PPP3CA: variants seen among roughly 807,000 people sequenced by gnomAD.
The protein encoded by PPP3CA is CAM-PRP catalytic subunit.
In PPP3CA, 14 loss-of-function variants were observed where a neutral mutation model predicts 66.5. That is an observed-to-expected ratio of 0.21 (90% CI 0.14 to 0.33). The LOEUF (loss-of-function observed/expected upper bound fraction) is 0.33, where lower values mean the gene tolerates loss of function less well. Ranked by LOEUF, PPP3CA falls within the 10% of genes least tolerant of loss-of-function variation. PPP3CA has a pLI of 1.00. For synonymous variants in PPP3CA, 232 were observed against 226.2 expected (o/e 1.03, Z -0.23); for missense variants, 317 against 639.5 (o/e 0.50, Z 5.44).
chr4:101,328,624 T>A (rs1432192823), intron 1 of PPP3CA, among the ~76,000 whole-genome samples: 1 of 152,212 alleles, frequency 6.6e-6, no homozygotes, highest in Non-Finnish European at 1.5e-5. Context: ...TTGCAGGTAT[T>A]ACATTTTTTA....
At chr4:101,340,167 A>G (rs566847159) in intron 1 of PPP3CA, among the ~76,000 whole-genome samples, 9 of 152,240 alleles carry the variant, frequency 5.9e-5, no homozygotes, top group African/African-American at 1.7e-4. Context: ...CCTGATATCT[A>G]TTTGTTTCCC....
chr4:101,265,821 T>C (rs1320805718), intron 1 of PPP3CA, among the ~76,000 whole-genome samples: 2 of 152,190 alleles, frequency 1.3e-5, no homozygotes, highest in Non-Finnish European at 2.9e-5. Flanking sequence ...CCACTGGTCA[T>C]TCACTTACAA....
intron 1 of PPP3CA, among the ~76,000 whole-genome samples, chr4:101,252,803 ACTT>A (rs1488851224): frequency 2.0e-5 from 3 of 152,132 alleles, no homozygotes; most frequent in Middle Eastern, 3.2e-3. Flanking sequence ...CCTTTGAAGT[ACTT>A]CTTAACTGTC....
At chr4:101,205,877 A>G (rs1725115325) in intron 1 of PPP3CA, among the ~76,000 whole-genome samples, 1 of 152,222 alleles carries the variant, frequency 6.6e-6, no homozygotes, top group Admixed American at 6.5e-5. Context: ...AATCCAGCAT[A>G]CAGCATCTTG....
chr4:101,174,199 T>A (rs905180866), intron 2 of PPP3CA, among the ~76,000 whole-genome samples: 2 of 152,152 alleles, frequency 1.3e-5, no homozygotes, highest in Non-Finnish European at 2.9e-5. Flanking sequence ...TCTTTTAATA[T>A]ACTATGGCTC....
intron 2 of PPP3CA, among the ~76,000 whole-genome samples, chr4:101,171,766 A>G (rs1350765775): frequency 6.6e-6 from 1 of 152,200 alleles, no homozygotes; most frequent in Non-Finnish European, 1.5e-5. Flanking sequence ...TATAAGAGAC[A>G]TAAATATGTC....
intron 1 of PPP3CA, among the ~76,000 whole-genome samples, chr4:101,199,132 A>G (rs1472245515): frequency 6.6e-6 from 1 of 152,204 alleles, no homozygotes; most frequent in Non-Finnish European, 1.5e-5. Context: ...TTGGCTTCAT[A>G]AAAAGCATAC....
chr4:101,188,848 T>C (rs1443108786), intron 2 of PPP3CA, among the ~76,000 whole-genome samples: 7 of 152,096 alleles, frequency 4.6e-5, no homozygotes, highest in Non-Finnish European at 1.5e-5. Flanking sequence ...CTGAAGGCCT[T>C]CTCTCAGGTA....
At chr4:101,152,680 C>G (rs1444552260) in intron 2 of PPP3CA, among the ~76,000 whole-genome samples, 1 of 152,154 alleles carries the variant, frequency 6.6e-6, no homozygotes, top group Non-Finnish European at 1.5e-5. Flanking sequence ...CCTTATCAAC[C>G]AATCAACCAG....
intron 6 of PPP3CA, among the ~76,000 whole-genome samples, chr4:101,083,988 T>G (rs1178792475): frequency 1.3e-5 from 2 of 152,112 alleles, no homozygotes; most frequent in African/African-American, 4.8e-5. Context: ...CTTTTAAGAG[T>G]CTCAAACTCA....
chr4:101,139,347 CAAAAAAA>C (rs56658441), intron 2 of PPP3CA, among the ~76,000 whole-genome samples: 1 of 96,730 alleles, frequency 1.0e-5, no homozygotes, highest in African/African-American at 3.8e-5. Flanking sequence ...GACTCCGTCT[CAAAAAAA>C]AAAAAAAAAA....
intron 1 of PPP3CA, among the ~76,000 whole-genome samples, chr4:101,233,093 T>C (rs1726014453): frequency 1.3e-5 from 2 of 151,840 alleles, no homozygotes. Context: ...AGGAAAACTA[T>C]AAGACACTAC....
chr4:101,269,385 G>C (rs1193490633), intron 1 of PPP3CA, among the ~76,000 whole-genome samples: 3 of 151,780 alleles, frequency 2.0e-5, no homozygotes, highest in Non-Finnish European at 4.4e-5. Flanking sequence ...GAACACTATG[G>C]CCCCCAAACT....
At chr4:101,208,553 G>T (rs1006110816) in intron 1 of PPP3CA, among the ~76,000 whole-genome samples, 5 of 152,108 alleles carry the variant, frequency 3.3e-5, no homozygotes, top group East Asian at 1.9e-4. Context: ...AACATCAGGG[G>T]ATATCCGTGA....
At chr4:101,198,888 CAG>C (rs1491443424) in intron 1 of PPP3CA, among the ~76,000 whole-genome samples, 7 of 152,014 alleles carry the variant, frequency 4.6e-5, no homozygotes, top group East Asian at 1.9e-4. Context: ...TCCAAATAAA[CAG>C]GGGGGACAAA....
intron 1 of PPP3CA, among the ~76,000 whole-genome samples, chr4:101,295,658 T>A (rs1338680663): frequency 1.3e-5 from 2 of 152,246 alleles, no homozygotes; most frequent in Admixed American, 6.5e-5. Flanking sequence ...CTTTTCTCTT[T>A]GGGATTTAAA....
chr4:101,252,962 G>A lies in PPP3CA; in HGVS notation c.59-56846C>T, dbSNP rs146658607. On this transcript the variant is annotated intron_variant, in intron 1 of 13. Transcript: ENST00000394854. Reference sequence around the variant, plus strand: ...AAGAGGTTGCTGCTTGCTAAGGCATGTGCTTCCCATGCAGAGAAAACGACT... The same window carrying A: ...AAGAGGTTGCTGCTTGCTAAGGCATATGCTTCCCATGCAGAGAAAACGACT... Among the ~76,000 whole-genome samples, 247 of 152,288 alleles carry A rather than the reference G, an allele frequency of 1.6e-3. 2 individuals carry two copies. Among genetic ancestry groups the A allele is most frequent in the Non-Finnish European group, 3.2e-3 (217 of 68,018 alleles).
chr4:101,173,464 G>A (rs1723951663), intron 2 of PPP3CA, among the ~76,000 whole-genome samples: 1 of 151,876 alleles, frequency 6.6e-6, no homozygotes, highest in African/African-American at 2.4e-5. Context: ...TCCAGCCCTA[G>A]CAATTGACAT....
At chr4:101,039,848 A>G (rs998218618) in intron 11 of PPP3CA, among the ~76,000 whole-genome samples, 2 of 144,828 alleles carry the variant, frequency 1.4e-5, no homozygotes, top group Non-Finnish European at 3.1e-5. Flanking sequence ...GACTCCTTAC[A>G]TATAAATATA....
Sources: allele counts gnomAD v4.1 joint callset (sites outside exome capture counted in the v4.1 genomes callset), GRCh38; gene constraint gnomAD v4.1.1; transcripts MANE v1.5; gene names NCBI Gene and HGNC (gene_info 2026-07-23, HGNC 2026-07-21).